Variants in SULF1 observed in about 807,000 individuals in gnomAD.
SULF1 encodes extracellular sulfatase Sulf-1.
Under a neutral mutation model 110.5 loss-of-function variants are expected in SULF1, and 46 were observed. That is an observed-to-expected ratio of 0.42 (90% CI 0.33 to 0.53). The LOEUF (loss-of-function observed/expected upper bound fraction) is 0.53, where lower values mean the gene tolerates loss of function less well. SULF1 is among the 20% of genes least tolerant of loss of function. The pLI, the probability that SULF1 is intolerant of heterozygous loss-of-function variation, is 0.12. For synonymous variants in SULF1, 371 were observed against 387.1 expected, an observed-to-expected ratio of 0.96 and a Z score of 0.49; for missense variants, 941 against 1,094.2, an observed-to-expected ratio of 0.86 and a Z score of 1.98.
At chr8:69,657,600 A>G (rs2130757548) in intron 22 of SULF1, among the ~76,000 whole-genome samples, 1 of 152,186 alleles carries the variant, frequency 6.6e-6, no homozygotes, top group East Asian at 1.9e-4. Flanking sequence ...CTCTGCTGGG[A>G]TTTGGTGTCA....
At chr8:69,483,863 A>C (rs1259702041) in intron 1 of SULF1, among the ~76,000 whole-genome samples, 1 of 152,242 alleles carries the variant, frequency 6.6e-6, no homozygotes, top group African/African-American at 2.4e-5. Flanking sequence ...TGTTTTACTT[A>C]CTAATGTTAT....
chr8:69,526,623 G>C (rs58503612), intron 3 of SULF1, among the ~76,000 whole-genome samples: 1,511 of 150,632 alleles, frequency 0.01, 20 homozygotes, highest in African/African-American at 0.034. Context: ...AAGAAAGAAA[G>C]AAAGAAAGAA....
At chr8:69,569,878 C>CTT (rs71556771) in intron 5 of SULF1, among the ~76,000 whole-genome samples, 1 of 148,160 alleles carries the variant, frequency 6.7e-6, no homozygotes, top group African/African-American at 2.5e-5. Flanking sequence ...TAAAAAACAT[C>CTT]TTTTTTTTTT....
intron 3 of SULF1, among the ~76,000 whole-genome samples, chr8:69,550,919 A>G (rs1176193257): frequency 2.0e-5 from 3 of 152,144 alleles, no homozygotes; most frequent in Non-Finnish European, 4.4e-5. Flanking sequence ...ACTCTTCCAC[A>G]GTGTGGGATG....
chr8:69,608,195 C>T (rs964819405), intron 13 of SULF1, among the ~76,000 whole-genome samples: 4 of 152,200 alleles, frequency 2.6e-5, no homozygotes, highest in East Asian at 3.8e-4. Flanking sequence ...CACTTACTTT[C>T]TCCTGAGTCT....
At chr8:69,579,712 C>A (rs904284049) in intron 6 of SULF1, among the ~76,000 whole-genome samples, 1 of 152,208 alleles carries the variant, frequency 6.6e-6, no homozygotes, top group Non-Finnish European at 1.5e-5. Flanking sequence ...CAACCATGGA[C>A]AACAACCCAT....
At chr8:69,636,900 A>G (rs1343506786) in intron 19 of SULF1, among the ~76,000 whole-genome samples, 1 of 152,134 alleles carries the variant, frequency 6.6e-6, no homozygotes, top group African/African-American at 2.4e-5. Flanking sequence ...GCTGTAGTGG[A>G]TCAAACCAGC....
Position 69,564,147 on chromosome 8 carries a change from G to A in SULF1, c.172G>A (p.Gly58Arg). 6.2e-7 allele frequency: 1 copy of A among 1,614,096 alleles called. No individual in the cohort carries two copies. The highest frequency in any genetic ancestry group is 2.2e-5 in the East Asian group (1 of 44,884). ...TACCGATGATCAAGATGTGGAGCTG[G>A]GTGAGACACTGGACTCTTCACTTGT... ...VLTDDQDVEL[G>R]SLQVMNKTRK... The change falls in exon 5 of 23, where the codon GGG becomes AGG. Residue 58 changes from glycine (G) to arginine (R), a missense_variant and splice_region_variant. Around this residue, in one of 3 missense-constraint regions of SULF1, gnomAD observed 822 missense variants for 934.3 expected, o/e 0.88. Coordinates refer to ENST00000402687, the MANE Select transcript of SULF1 (RefSeq NM_001128205.2).
chr8:69,634,845 AC>A (rs139103852), intron 19 of SULF1, among the ~76,000 whole-genome samples: 6,858 of 152,142 alleles, frequency 0.045, 207 homozygotes, highest in South Asian at 0.095. Context: ...TTCACTCTTG[AC>A]CCCCAGGCTG....
intron 6 of SULF1, among the ~76,000 whole-genome samples, chr8:69,585,933 A>T (rs1193829516): frequency 6.6e-6 from 1 of 152,262 alleles, no homozygotes; most frequent in Admixed American, 6.5e-5. Context: ...ATTCTCAAAT[A>T]GTAAGTTAGA....
intron 15 of SULF1, among the ~76,000 whole-genome samples, chr8:69,626,500 G>C (rs906007683): frequency 1.3e-5 from 2 of 152,254 alleles, no homozygotes; most frequent in Non-Finnish European, 2.9e-5. Flanking sequence ...TCAGCCCTTG[G>C]GTGGTCGATG....
At chr8:69,504,486 C>T (rs1315743795) in intron 3 of SULF1, among the ~76,000 whole-genome samples, 1 of 151,998 alleles carries the variant, frequency 6.6e-6, no homozygotes, top group East Asian at 1.9e-4. Flanking sequence ...ACCTGGGAGG[C>T]GGAGGTTGCA....
At chr8:69,481,712 C>T (rs1040036475) in intron 1 of SULF1, among the ~76,000 whole-genome samples, 4 of 152,204 alleles carry the variant, frequency 2.6e-5, no homozygotes, top group African/African-American at 7.2e-5. Flanking sequence ...TGAGAACATG[C>T]GGTATTTGGT....
intron 18 of SULF1, among the ~76,000 whole-genome samples, chr8:69,628,456 A>C (rs940086006): frequency 1.3e-5 from 2 of 151,892 alleles, no homozygotes; most frequent in African/African-American, 4.8e-5. Context: ...GGCTTGCTGA[A>C]CTCCACTGTC....
upstream of SULF1, among the ~76,000 whole-genome samples, chr8:69,488,494 G>A (rs572785216): frequency 5.3e-5 from 8 of 152,022 alleles, no homozygotes; most frequent in South Asian, 1.7e-3. Flanking sequence ...ATAAAGGTCA[G>A]TTCCAGCTCA....
chr8:69,528,661 G>A (rs1184734872), intron 3 of SULF1, among the ~76,000 whole-genome samples: 4 of 152,132 alleles, frequency 2.6e-5, no homozygotes, highest in African/African-American at 9.7e-5. Context: ...CCTGAGATAG[G>A]GCATCATTTA....
intron 1 of SULF1, among the ~76,000 whole-genome samples, chr8:69,486,421 A>G (rs1214676805): frequency 1.7e-5 from 2 of 115,482 alleles, no homozygotes; most frequent in African/African-American, 9.8e-5. Context: ...TTCTATATAA[A>G]TGCTAAACAG....
chr8:69,524,643 C>G (rs1216262871), intron 3 of SULF1, among the ~76,000 whole-genome samples: 1 of 152,138 alleles, frequency 6.6e-6, no homozygotes, highest in Non-Finnish European at 1.5e-5. Flanking sequence ...AATGGATACA[C>G]TCACATTTGC....
intron 8 of SULF1, chr8:69,592,898 T>TCACAC (rs1344835895): frequency 1.0e-6 from 1 of 987,116 alleles, no homozygotes; most frequent in East Asian, 1.1e-4. Context: ...GATGAGCCTC[T>TCACAC]CACACCTGGC....
Sources: gnomAD v4.1 joint callset for allele counts (sites outside exome capture counted in the v4.1 genomes callset) on GRCh38, gnomAD v4.1.1 for gene constraint, gnomAD v4.1.1 regional missense constraint, MANE v1.5 for transcripts, NCBI Gene and HGNC (gene_info 2026-07-23, HGNC 2026-07-21) for gene names.